The following NEK3 variants were observed in gnomAD, a reference collection of about 807,000 sequenced individuals.
The protein encoded by NEK3 is NIMA related kinase 3.
NEK3 carries 54 observed loss-of-function variants against 66.0 expected under a neutral mutation model. That is an observed-to-expected ratio of 0.82 (90% CI 0.66 to 1.03). NEK3 has a LOEUF of 1.03. Ranked by LOEUF, NEK3 falls within the 50% of genes least tolerant of loss-of-function variation. The probability of loss-of-function intolerance (pLI) is 0.00; values close to 1 mark genes in which losing one functional copy is unlikely to be tolerated. For synonymous variants in NEK3, 200 were observed against 206.2 expected (o/e 0.97, Z 0.26); for missense variants, 593 against 603.0 (o/e 0.98, Z 0.17).
intron 10 of NEK3, among the ~76,000 whole-genome samples, chr13:52,142,284 T>A (rs924375814): frequency 6.6e-6 from 1 of 151,902 alleles, no homozygotes; most frequent in Non-Finnish European, 1.5e-5. Flanking sequence ...TATCTCTTTT[T>A]TTTTTTTTTG....
chr13:52,135,707 G>T, intron 14 of NEK3, 22 bp downstream of exon 14: 2 of 1,589,146 alleles, frequency 1.3e-6, no homozygotes, highest in Non-Finnish European at 1.7e-6. Flanking sequence ...GGTTTCCAAG[G>T]TCACATACAG....
At position 52,143,895 on chromosome 13, in the gene NEK3, T is replaced by C. The variant is rs1956271698; in HGVS notation, c.877+20A>G. The stretch of plus-strand genomic sequence containing the variant: ...TTTTAAAAGAGCACTTAACAAAAAA[T>C]ACTCTGTCAAAATTCTTACTTTTTT... On this transcript the variant is annotated intron_variant, in intron 10 of 15. Coordinates refer to ENST00000610828, the MANE Select transcript of NEK3 (RefSeq NM_002498.3). The C allele has an allele frequency of 2.4e-6, 3 of 1,275,792 alleles. No homozygotes were observed. Among genetic ancestry groups the C allele is most frequent in the Non-Finnish European group, 3.3e-6 (3 of 915,864 alleles). The allele number at this position is 1,275,792 out of a possible 1,614,324, so 79.0% of individuals were successfully genotyped here.
intron 5 of NEK3, 58 bp downstream of exon 5, chr13:52,152,551 G>C (rs1956356404): frequency 7.3e-6 from 8 of 1,102,476 alleles, no homozygotes; most frequent in Non-Finnish European, 9.4e-6. Flanking sequence ...GCATAACACA[G>C]TAAAATGACT....
At chr13:52,136,406 C>T (rs887447643) in intron 12 of NEK3, 147 bp from the exon 13 acceptor site, 2 of 874,900 alleles carry the variant, frequency 2.3e-6, no homozygotes, top group African/African-American at 3.4e-5. Flanking sequence ...TCTTTCTAAT[C>T]TAAGTAGCAA....
At chr13:52,146,231 CTG>C (rs1313958816) in intron 8 of NEK3, among the ~76,000 whole-genome samples, 2 of 152,088 alleles carry the variant, frequency 1.3e-5, no homozygotes, top group Admixed American at 6.6e-5. Context: ...AAATCTAAAA[CTG>C]TTTTAAAATT....
chr13:52,134,904 G>T (rs1193751072), intron 14 of NEK3, among the ~76,000 whole-genome samples: 1 of 152,060 alleles, frequency 6.6e-6, no homozygotes, highest in Non-Finnish European at 1.5e-5. Context: ...CATCCTTAGG[G>T]CAGGAATTGT....
rs1487610536 is a variant in NEK3 at position 52,144,821 on chromosome 13, T to C, written c.674A>G (p.His225Arg). The C allele has an allele frequency of 6.2e-7, 1 of 1,613,302 alleles. No homozygotes were observed. Among genetic ancestry groups the C allele is most frequent in the Non-Finnish European group, 8.5e-7 (1 of 1,179,636 alleles). The change falls in exon 9 of 16, where the codon CAT becomes CGT. Residue 225 changes from histidine to arginine, a missense_variant. By Grantham distance (29) the His-to-Arg change is conservative. Coordinates refer to ENST00000610828, the MANE Select transcript of NEK3 (RefSeq NM_002498.3). ...CQGCISPLPSHYSYELQFLVK... is the reference protein window; with the variant it reads ...CQGCISPLPSRYSYELQFLVK... ...TAGGAACTGAAGTTCATAGGAGTAATGAGACGGCAGTGGACTGATGCACCC... is the reference window on the plus strand; with the variant it reads ...TAGGAACTGAAGTTCATAGGAGTAACGAGACGGCAGTGGACTGATGCACCC...
At chr13:52,136,711 CTTGT>C (rs1956209169) in intron 12 of NEK3, 85 bp downstream of exon 12, 2 of 701,728 alleles carry the variant, frequency 2.9e-6, no homozygotes, top group Non-Finnish European at 4.6e-6. Context: ...AGCTTGTACT[CTTGT>C]TTATGATATC....
At chr13:52,151,517 G>A (rs1322875630) in intron 5 of NEK3, 125 bp from the exon 6 acceptor site, 2 of 806,192 alleles carry the variant, frequency 2.5e-6, no homozygotes, top group Non-Finnish European at 4.0e-6. Context: ...GAGTCCCAGA[G>A]TGGAACACAA....
At chr13:52,136,349 G>A (rs949432193) in intron 12 of NEK3, 90 bp from the exon 13 acceptor site, 12 of 1,250,868 alleles carry the variant, frequency 9.6e-6, no homozygotes, top group African/African-American at 1.5e-5. Flanking sequence ...ATATGGAAGT[G>A]TTTCTTTTCT....
intron 7 of NEK3, 112 bp from the exon 8 acceptor site, chr13:52,148,581 A>G: frequency 1.1e-6 from 1 of 900,096 alleles, no homozygotes; most frequent in East Asian, 2.5e-5. Context: ...CCTAGGTATT[A>G]AAACATATAA....
chr13:52,155,843 AT>A (rs1206405922), intron 2 of NEK3, among the ~76,000 whole-genome samples: 3 of 149,256 alleles, frequency 2.0e-5, no homozygotes, highest in Non-Finnish European at 4.5e-5. Flanking sequence ...CACTTGCCTA[AT>A]TTTTTTTTTA....
intron 2 of NEK3, among the ~76,000 whole-genome samples, chr13:52,155,139 C>T (rs1460533218): frequency 4.0e-5 from 6 of 151,898 alleles, no homozygotes; most frequent in Non-Finnish European, 8.8e-5. Flanking sequence ...AACAAGCCCT[C>T]CAGATGATTA....
intron 10 of NEK3, among the ~76,000 whole-genome samples, chr13:52,143,555 G>A (rs1298791567): frequency 6.6e-6 from 1 of 152,110 alleles, no homozygotes; most frequent in African/African-American, 2.4e-5. Context: ...TCAGAAACTT[G>A]GGATACATTT....
In NEK3 at chr13:52,133,233, A is replaced by G. The variant is rs1956169677; in HGVS notation, c.1437-7T>C. The G allele has an allele frequency of 7.5e-6, 12 of 1,599,060 alleles. No homozygotes were observed. The highest frequency in any genetic ancestry group is 1.0e-5 in the Non-Finnish European group (12 of 1,172,572). On this transcript the variant is annotated splice_region_variant and splice_polypyrimidine_tract_variant and intron_variant, in intron 15 of 15. Transcript: ENST00000610828. ...ATCTTCCTCCTCAAAGTCCCTGTGA[A>G]AAAACAATTTGGACCATAAACCTCT...
intron 11 of NEK3, among the ~76,000 whole-genome samples, chr13:52,138,089 T>C (rs1566850950): frequency 6.6e-6 from 1 of 152,116 alleles, no homozygotes; most frequent in Admixed American, 6.5e-5. Context: ...GGTGCGATCA[T>C]AGCTCACTGC....
chr13:52,141,173 T>C (rs1956247710), intron 10 of NEK3, 104 bp from the exon 11 acceptor site: 1 of 1,022,462 alleles, frequency 9.8e-7, no homozygotes, highest in Non-Finnish European at 1.4e-6. Flanking sequence ...AGTGAGGTTA[T>C]TAAAGTCAAA....
intron 11 of NEK3, 110 bp downstream of exon 11, chr13:52,140,910 G>A (rs1028624165): frequency 1.3e-6 from 1 of 791,332 alleles, no homozygotes; most frequent in Non-Finnish European, 1.9e-6. Flanking sequence ...CCGCCTCCAG[G>A]TTCACTTGAT....
At position 52,151,107 on chromosome 13, in the gene NEK3, A is replaced by G. The variant is rs372002273; in HGVS notation, c.548+39T>C. On this transcript the variant is annotated intron_variant, in intron 7 of 15. Transcript: ENST00000610828. ...TCATTTGCAGGCTAAAATGCCTGTC[A>G]CCAAATGGGCACCCTGACATCAAAT... 2.0e-6 allele frequency: 3 copies of G among 1,536,334 alleles called. No individual in the cohort carries two copies. In the African/African-American group the frequency reaches 4.1e-5, roughly 21 times the overall value.
Sources: gnomAD v4.1 joint callset for allele counts (sites outside exome capture counted in the v4.1 genomes callset) on GRCh38, gnomAD v4.1.1 for gene constraint, MANE v1.5 for transcripts, NCBI Gene and HGNC (gene_info 2026-07-23, HGNC 2026-07-21) for gene names.